ZNRF3: variants seen among roughly 807,000 people sequenced by gnomAD.
ZNRF3 encodes the protein E3 ubiquitin-protein ligase ZNRF3.
Under a neutral mutation model 72.5 loss-of-function variants are expected in ZNRF3, and 23 were observed. That is an observed-to-expected ratio of 0.32 (90% CI 0.23 to 0.45). The LOEUF is 0.45. ZNRF3 is among the 20% of genes least tolerant of loss of function. ZNRF3 has a pLI of 1.00. For missense variants in ZNRF3, 1,169 were observed against 1,272.1 expected (o/e 0.92, Z 1.23); for synonymous variants, 610 against 545.3 (o/e 1.12, Z -1.65).
intron 2 of ZNRF3, among the ~76,000 whole-genome samples, chr22:28,991,622 C>T (rs1374534709): frequency 6.6e-6 from 1 of 151,964 alleles, no homozygotes; most frequent in Non-Finnish European, 1.5e-5. Flanking sequence ...GGGTGCTCGC[C>T]GAGTGCTGAG....
Position 29,040,378 on chromosome 22 carries a change from A to G in ZNRF3, c.427-2117A>G, listed in dbSNP as rs887353213. Among the ~76,000 whole-genome samples the G allele has an allele frequency of 1.3e-5, 2 of 151,914 alleles. 1 individual carries two copies. Among genetic ancestry groups the G allele is most frequent in the African/African-American group, 4.8e-5 (2 of 41,338 alleles). On this transcript the variant is annotated intron_variant, in intron 2 of 8. Coordinates refer to ENST00000544604, the MANE Select transcript of ZNRF3 (RefSeq NM_001206998.2). ...GCATTTTTAGTAGAGATAGGCTTTC[A>G]CCATGTTGGCCAGACTGGTCTGGAA... is the stretch of plus-strand genomic sequence containing the variant.
chr22:28,960,041 T>C (rs1490839933), intron 1 of ZNRF3, among the ~76,000 whole-genome samples: 1 of 152,248 alleles, frequency 6.6e-6, no homozygotes, highest in East Asian at 1.9e-4. Context: ...TTAGTTCAGA[T>C]AGAAAGTGAG....
At chr22:29,031,614 G>A in intron 2 of ZNRF3, 1 of 985,434 alleles carries the variant, frequency 1.0e-6, no homozygotes, top group Non-Finnish European at 1.2e-6. Context: ...CGAGGAGGAG[G>A]AAAGGAAAAA....
rs369928820 is a variant in ZNRF3 at position 29,039,566 on chromosome 22, C to T, written c.427-2929C>T. 6.6e-5 allele frequency among the ~76,000 whole-genome samples: 10 copies of T among 151,004 alleles called. No individual in the cohort carries two copies. The South Asian group carries it at 1.0e-3, about 16-fold the overall frequency. On this transcript the variant is annotated intron_variant, in intron 2 of 8. Coordinates refer to ENST00000544604, the MANE Select transcript of ZNRF3 (RefSeq NM_001206998.2). Reference sequence around the variant, plus strand: ...GAAAAAGCCTAGGATACCACCTAAGCGGAAAACACCAGCATCTACTTACAA... The same window carrying T: ...GAAAAAGCCTAGGATACCACCTAAGTGGAAAACACCAGCATCTACTTACAA...
intron 1 of ZNRF3, among the ~76,000 whole-genome samples, chr22:28,980,668 C>T (rs2035749208): frequency 6.6e-6 from 1 of 152,142 alleles, no homozygotes; most frequent in Non-Finnish European, 1.5e-5. Context: ...AAGTTATAAC[C>T]CAGGACATAT....
At chr22:28,966,552 C>G (rs1464906793) in intron 1 of ZNRF3, among the ~76,000 whole-genome samples, 1 of 151,996 alleles carries the variant, frequency 6.6e-6, no homozygotes, top group Non-Finnish European at 1.5e-5. Context: ...ACACAGAAGA[C>G]AGTGACATTG....
intron 1 of ZNRF3, 137 bp downstream of exon 1, chr22:28,884,203 C>G (rs2033723276): frequency 4.5e-6 from 3 of 661,092 alleles, no homozygotes; most frequent in Non-Finnish European, 5.7e-6. Context: ...GGCATCCCTC[C>G]CCTGCGGGCG....
At chr22:28,984,051 G>A (rs953284610) in intron 1 of ZNRF3, among the ~76,000 whole-genome samples, 2 of 151,834 alleles carry the variant, frequency 1.3e-5, no homozygotes, top group African/African-American at 2.4e-5. Context: ...TGGGATCCCC[G>A]TGTTAGCTGA....
chr22:28,902,854 CAT>C (rs1175635398), intron 1 of ZNRF3, among the ~76,000 whole-genome samples: 2 of 152,212 alleles, frequency 1.3e-5, no homozygotes, highest in Non-Finnish European at 2.9e-5. Context: ...CTGCTCCTCA[CAT>C]ATACCTAACG....
chr22:28,946,812 A>C (rs374055181), intron 1 of ZNRF3, among the ~76,000 whole-genome samples: 3 of 152,182 alleles, frequency 2.0e-5, no homozygotes, highest in African/African-American at 7.2e-5. Flanking sequence ...TAGTTGAAAG[A>C]TCTATGGTCT....
At chr22:28,996,937 G>A (rs905877871) in intron 2 of ZNRF3, among the ~76,000 whole-genome samples, 5 of 152,116 alleles carry the variant, frequency 3.3e-5, no homozygotes, top group African/African-American at 4.8e-5. Flanking sequence ...TTATCCTTCC[G>A]CATGCCATCC....
chr22:28,993,220 C>G (rs1410261649), intron 2 of ZNRF3, among the ~76,000 whole-genome samples: 2 of 152,150 alleles, frequency 1.3e-5, no homozygotes, highest in African/African-American at 4.8e-5. Context: ...TTTGAGGAAC[C>G]CAGTGGAACC....
intron 1 of ZNRF3, among the ~76,000 whole-genome samples, chr22:28,907,556 A>C (rs182046578): frequency 3.9e-5 from 6 of 152,220 alleles, no homozygotes; most frequent in African/African-American, 1.2e-4. Flanking sequence ...GTCTGGTTCC[A>C]TGGGGATTTG....
At position 29,049,789 on chromosome 22, in the gene ZNRF3, C is replaced by T. The variant is rs746690559; in HGVS notation, c.1608C>T (p.Arg536=). The T allele has an allele frequency of 1.2e-6, 2 of 1,605,070 alleles. No homozygotes were observed. The highest frequency in any genetic ancestry group is 4.5e-5 in the East Asian group (2 of 44,716). Residue 536 remains arginine, a synonymous_variant, in exon 8 of 9, where the codon CGC becomes CGT. Coordinates refer to ENST00000544604, the MANE Select transcript of ZNRF3 (RefSeq NM_001206998.2). The surrounding 1 kb of genome is among the most constrained non-coding windows in gnomAD (Gnocchi z 5.2). ...TSSFSCYHGH[R]SVCSGYLADC... is the part of the protein sequence containing the mutation. ...GCTTCAGCTGCTATCACGGCCACCG[C>T]TCGGTGTGCAGTGGCTACCTGGCCG...
chr22:28,958,238 G>A (rs958571751), intron 1 of ZNRF3, among the ~76,000 whole-genome samples: 1 of 152,164 alleles, frequency 6.6e-6, no homozygotes, highest in Non-Finnish European at 1.5e-5. Context: ...TAACAGCTAA[G>A]GTTGCAATTC....
At chr22:28,998,607 C>T in intron 2 of ZNRF3, among the ~76,000 whole-genome samples, 1 of 152,166 alleles carries the variant, frequency 6.6e-6, no homozygotes, top group East Asian at 1.9e-4. Flanking sequence ...CTTCTAAGGT[C>T]ATATGTATGA....
At chr22:28,956,653 G>A (rs1372325465) in intron 1 of ZNRF3, among the ~76,000 whole-genome samples, 1 of 152,156 alleles carries the variant, frequency 6.6e-6, no homozygotes, top group Non-Finnish European at 1.5e-5. Flanking sequence ...AAATTACTTA[G>A]TTGCTGAAAG....
chr22:29,055,183 T>G lies in ZNRF3; in HGVS notation c.*1561T>G, dbSNP rs2037278288. ...TTGTCATCCTTTTTTGTCCAATGTA[T>G]TCCTTGTTCTTTAAAAAAATTTTTT... On this transcript the variant is annotated 3_prime_UTR_variant, in exon 9 of 9. Coordinates refer to ENST00000544604, the MANE Select transcript of ZNRF3 (RefSeq NM_001206998.2). 1 of 152,624 alleles carries G rather than the reference T, an allele frequency of 6.6e-6. No individual in the cohort carries two copies. Among genetic ancestry groups the G allele is most frequent in the African/African-American group, 2.4e-5 (1 of 41,464 alleles). 9.5% of individuals were successfully genotyped at this position (152,624 alleles called of 1,614,324 possible). A position where few individuals can be genotyped will look rare whatever the true frequency, so the allele number is the denominator to read the frequency against.
At chr22:28,991,516 A>G (rs1349371633) in intron 2 of ZNRF3, among the ~76,000 whole-genome samples, 1 of 152,108 alleles carries the variant, frequency 6.6e-6, no homozygotes, top group Non-Finnish European at 1.5e-5. Context: ...GTGTCATTGT[A>G]GTGGGGGCTC....
Sources: gnomAD v4.1 joint callset for allele counts (sites outside exome capture counted in the v4.1 genomes callset) on GRCh38, gnomAD v4.1.1 for gene constraint, Gnocchi (gnomAD v3.1) non-coding constraint, MANE v1.5 for transcripts, NCBI Gene and HGNC (gene_info 2026-07-23, HGNC 2026-07-21) for gene names.